ANHX: variants seen among roughly 807,000 people sequenced by gnomAD.
ANHX encodes anomalous homeobox, also known as anomalous homeobox protein.
A neutral mutation model predicts 38.9 loss-of-function variants in ANHX; 20 were observed. The observed-to-expected ratio is 0.51, with a 90% CI of 0.36 to 0.75. The LOEUF (loss-of-function observed/expected upper bound fraction) is 0.75. Among genes scored for constraint, ANHX ranks in the 30% least tolerant of loss-of-function variants. ANHX has a pLI of 0.00. For synonymous variants in ANHX, 185 were observed against 203.1 expected (o/e 0.91, Z 0.76); for missense variants, 475 against 493.1 (o/e 0.96, Z 0.35).
chr12:133,220,191 G>A (rs973955445), intron 8 of ANHX, among the ~76,000 whole-genome samples: 4 of 152,080 alleles, frequency 2.6e-5, no homozygotes, highest in Non-Finnish European at 4.4e-5. Flanking sequence ...CAGGTGCTCC[G>A]TCTACACATG....
In ANHX at chr12:133,234,184, T is replaced by C. The variant is rs944489921; in HGVS notation, c.173A>G (p.Asn58Ser). 1 of 1,536,042 alleles carries C rather than the reference T, an allele frequency of 6.5e-7. No homozygotes were observed. Among genetic ancestry groups the C allele is most frequent in the Non-Finnish European group, 8.7e-7 (1 of 1,146,916 alleles). Reference sequence around the variant, plus strand: ...GGCGCACGCCAGGGCCACATCTGCGTTGTCCAGGAGATGCAGGCGGAGCTG... The same window carrying C: ...GGCGCACGCCAGGGCCACATCTGCGCTGTCCAGGAGATGCAGGCGGAGCTG... ...DSQLRLHLLD[N>S]ADVALACARV... The change falls in exon 2 of 10, where the codon AAC becomes AGC. Residue 58 changes from asparagine (N) to serine (S), a missense_variant. Asn to Ser is a conservative substitution (Grantham distance 46). Coordinates refer to ENST00000545940, the MANE Select transcript of ANHX (RefSeq NM_001372060.1).
chr12:133,230,895 T>C (rs1422113389), intron 3 of ANHX, among the ~76,000 whole-genome samples: 1 of 152,170 alleles, frequency 6.6e-6, no homozygotes, highest in Non-Finnish European at 1.5e-5. Context: ...ATGATGGTGA[T>C]AATAAAAATT....
chr12:133,223,176 C>CA (rs1390619338), intron 7 of ANHX, among the ~76,000 whole-genome samples: 5 of 146,526 alleles, frequency 3.4e-5, no homozygotes, highest in African/African-American at 1.4e-4. Flanking sequence ...GCAACAAGAT[C>CA]AAAACTCCGC....
intron 7 of ANHX, among the ~76,000 whole-genome samples, chr12:133,222,974 T>A (rs1042050528): frequency 6.6e-6 from 1 of 152,160 alleles, no homozygotes; most frequent in East Asian, 1.9e-4. Flanking sequence ...GTGGATTACT[T>A]GAGATCAGGA....
At position 133,218,814 on chromosome 12, in the gene ANHX, C is replaced by A; in HGVS notation, c.*71G>T. On this transcript the variant is annotated 3_prime_UTR_variant, in exon 10 of 10. Coordinates refer to ENST00000545940, the MANE Select transcript of ANHX (RefSeq NM_001372060.1). ...TTGTATTCAGGATAAAGCTCTGTAA[C>A]TCCTTGTGTTGACCAGGCAGACCAT... 1.7e-6 allele frequency: 2 copies of A among 1,197,650 alleles called. No individual in the cohort carries two copies. The highest frequency in any genetic ancestry group is 2.3e-6 in the Non-Finnish European group (2 of 888,172). 74.2% of individuals were successfully genotyped at this position (1,197,650 alleles called of 1,614,324 possible).
rs1274797810 is a variant in ANHX at position 133,231,601 on chromosome 12, C to T, written c.293G>A (p.Trp98Ter). ...PGGSQELVQL[W>*]NDIHYRLVMR... Reference sequence around the variant, plus strand: ...GACCAGACGGTAGTGGATGTCGTTCCAGAGCTGCACTAACTCCTGGCTGCC... The same window carrying T: ...GACCAGACGGTAGTGGATGTCGTTCTAGAGCTGCACTAACTCCTGGCTGCC... Residue 98 changes from tryptophan to a stop codon, truncating the protein, a stop_gained, in exon 3 of 10, where the codon TGG becomes TAG. Transcript: ENST00000545940. LOFTEE classifies it high-confidence loss of function. 6.5e-7 allele frequency: 1 copy of T among 1,536,126 alleles called. No homozygotes were observed. The highest frequency in any genetic ancestry group is 8.7e-7 in the Non-Finnish European group (1 of 1,146,916).
intron 8 of ANHX, among the ~76,000 whole-genome samples, chr12:133,220,526 T>A (rs141365234): frequency 0.014 from 2,156 of 152,310 alleles, 55 homozygotes; most frequent in African/African-American, 0.049. Flanking sequence ...CCCTCTGTAA[T>A]TCTGCCCTCA....
intron 2 of ANHX, among the ~76,000 whole-genome samples, chr12:133,233,008 C>A: frequency 6.6e-6 from 1 of 152,164 alleles, no homozygotes; most frequent in East Asian, 1.9e-4. Context: ...GCACCACCTC[C>A]CTGGGCTGAC....
intron 2 of ANHX, among the ~76,000 whole-genome samples, chr12:133,232,127 T>C (rs1374542220): frequency 6.6e-6 from 1 of 152,152 alleles, no homozygotes; most frequent in East Asian, 1.9e-4. Context: ...AAGTCTTACA[T>C]GAAAGACCTT....
rs1198486803 is a variant in ANHX at position 133,218,943 on chromosome 12, C to T, written c.1394G>A (p.Gly465Asp). The T allele has an allele frequency of 1.2e-5, 18 of 1,534,388 alleles. No individual in the cohort carries two copies. Among genetic ancestry groups the T allele is most frequent in the Non-Finnish European group, 1.6e-5 (18 of 1,145,744 alleles). ...QVQCSDSQAS[G>D]DAFWGARMLL... ...CATCCTGGCTCCCCAGAAGGCATCA[C>T]CAGAGGCCTGGCTATCAGAACACTG... The change falls in exon 10 of 10, where the codon GGT becomes GAT. Residue 465 changes from glycine (G) to aspartate (D), a missense_variant. Gly to Asp is a moderately conservative substitution (Grantham distance 94). Transcript: ENST00000545940.
chr12:133,231,673 C>T (rs1299022167), intron 2 of ANHX, 29 bp from the exon 3 acceptor site: 2 of 1,535,180 alleles, frequency 1.3e-6, no homozygotes, highest in Admixed American at 2.0e-5. Flanking sequence ...TGAGCCCTGG[C>T]CACCTGCCCA....
At chr12:133,227,681 A>T in intron 4 of ANHX, 143 bp downstream of exon 4, 1 of 889,160 alleles carries the variant, frequency 1.1e-6, no homozygotes, top group Non-Finnish European at 1.7e-6. Flanking sequence ...CCAATCAACA[A>T]GGTCCCTGTC....
In ANHX at chr12:133,218,677, C is replaced by T. The variant is rs1234427133; in HGVS notation, c.*208G>A. On this transcript the variant is annotated 3_prime_UTR_variant, in exon 10 of 10. Coordinates refer to ENST00000545940, the MANE Select transcript of ANHX (RefSeq NM_001372060.1). ...GACTTCTGATCTCACGAACATTTCTCAAATGCTTTCTCTACTACAGGGAAT... is the reference window on the plus strand; with the variant it reads ...GACTTCTGATCTCACGAACATTTCTTAAATGCTTTCTCTACTACAGGGAAT... The T allele has an allele frequency of 1.4e-5, 6 of 427,110 alleles. No homozygotes were observed. Among genetic ancestry groups the T allele is most frequent in the Middle Eastern group, 3.7e-4 (1 of 2,684 alleles). 26.5% of individuals were successfully genotyped at this position (427,110 alleles called of 1,614,324 possible).
In ANHX at chr12:133,219,588, A is replaced by G. The variant is rs533500535; in HGVS notation, c.1281-221T>C. 3.9e-5 allele frequency among the ~76,000 whole-genome samples: 6 copies of G among 152,308 alleles called. No homozygotes were observed. In the South Asian group the frequency reaches 1.2e-3, roughly 32 times the overall value. Reference sequence around the variant, plus strand: ...CCCGGTGGGTCATAGGGGCAACTGCACAGAGGGCTCAGAGCAGGGTCATGG... The same window carrying G: ...CCCGGTGGGTCATAGGGGCAACTGCGCAGAGGGCTCAGAGCAGGGTCATGG... On this transcript the variant is annotated intron_variant, in intron 8 of 9. Coordinates refer to ENST00000545940, the MANE Select transcript of ANHX (RefSeq NM_001372060.1).
At chr12:133,220,017 C>T (rs565993900) in intron 8 of ANHX, among the ~76,000 whole-genome samples, 2 of 152,202 alleles carry the variant, frequency 1.3e-5, no homozygotes, top group East Asian at 1.9e-4. Context: ...GAAAATATAC[C>T]GTATTTACAT....
chr12:133,229,862 G>C (rs1406751645), intron 3 of ANHX, among the ~76,000 whole-genome samples: 4 of 152,164 alleles, frequency 2.6e-5, no homozygotes, highest in Non-Finnish European at 2.9e-5. Flanking sequence ...TTCAAGGGCT[G>C]TGAACACATA....
chr12:133,230,969 C>G (rs1009453207), intron 3 of ANHX, among the ~76,000 whole-genome samples: 1 of 152,164 alleles, frequency 6.6e-6, no homozygotes, highest in Non-Finnish European at 1.5e-5. Flanking sequence ...TTATTTAGTG[C>G]CTATCATGTG....
intron 7 of ANHX, among the ~76,000 whole-genome samples, chr12:133,224,097 C>T (rs1382486921): frequency 3.3e-5 from 5 of 152,088 alleles, no homozygotes; most frequent in African/African-American, 1.2e-4. Context: ...ACCTGAAATT[C>T]AGGACACCCT....
In ANHX at chr12:133,226,355, G is replaced by A. The variant is rs1425360577; in HGVS notation, c.802C>T (p.Pro268Ser). 1 of 1,536,170 alleles carries A rather than the reference G, an allele frequency of 6.5e-7. No homozygotes were observed. The highest frequency in any genetic ancestry group is 1.4e-5 in the African/African-American group (1 of 73,074). Reference protein sequence around the residue: ...WEPLALAPDFPADETVSKPLD... With the variant: ...WEPLALAPDFSADETVSKPLD... ...GGCTTTGAGACTGTCTCATCTGCGGGAAAGTCCGGGGCTAAGGCCAGTGGC... is the reference window on the plus strand; with the variant it reads ...GGCTTTGAGACTGTCTCATCTGCGGAAAAGTCCGGGGCTAAGGCCAGTGGC... Residue 268 changes from proline (P) to serine (S), a missense_variant, in exon 6 of 10, where the codon CCC becomes TCC. Pro to Ser is a moderately conservative substitution (Grantham distance 74, BLOSUM62 -1). Coordinates refer to ENST00000545940, the MANE Select transcript of ANHX (RefSeq NM_001372060.1).
Sources: allele counts gnomAD v4.1 joint callset (sites outside exome capture counted in the v4.1 genomes callset), GRCh38; gene constraint gnomAD v4.1.1; transcripts MANE v1.5; gene names NCBI Gene and HGNC (gene_info 2026-07-23, HGNC 2026-07-21).